The following STK3 variants were observed in gnomAD, a reference collection of about 807,000 sequenced individuals.
STK3 encodes the protein serine/threonine kinase 3, also known as serine/threonine-protein kinase 3.
In STK3, 41 loss-of-function variants were observed where a neutral mutation model predicts 58.0. The ratio of observed to expected loss-of-function variants is 0.71; its 90% confidence interval spans 0.55 to 0.92. STK3 has a LOEUF of 0.92. STK3 is among the 40% of genes least tolerant of loss of function. STK3 has a pLI of 0.00. For missense variants in STK3, 479 were observed against 602.7 expected (o/e 0.79, Z 2.15); for synonymous variants, 170 against 191.0 (o/e 0.89, Z 0.91).
At chr8:98,389,819 A>G (rs1372904243), upstream of STK3, among the ~76,000 whole-genome samples, 1 of 151,368 alleles carries the variant, frequency 6.6e-6, no homozygotes, top group Non-Finnish European at 1.5e-5. Flanking sequence ...TGTGTTAGAG[A>G]CAGGAAGAGG....
chr8:98,417,281 G>A (rs1292234757), intron 3 of STK3, among the ~76,000 whole-genome samples: 3 of 152,162 alleles, frequency 2.0e-5, no homozygotes, highest in Non-Finnish European at 2.9e-5. Context: ...TTGGGAGGCC[G>A]AGGTGGGTGG....
At chr8:98,779,082 C>T (rs1488307036) in intron 1 of STK3, among the ~76,000 whole-genome samples, 1 of 151,960 alleles carries the variant, frequency 6.6e-6, no homozygotes, top group Non-Finnish European at 1.5e-5. Context: ...CAGAATGTTT[C>T]CTTATCCCTA....
chr8:98,719,931 T>C (rs573750718), intron 4 of STK3, among the ~76,000 whole-genome samples: 1 of 152,332 alleles, frequency 6.6e-6, no homozygotes, highest in South Asian at 2.1e-4. Context: ...TCCCTCCCAC[T>C]ACTTCAGAGA....
At chr8:98,664,535 G>C (rs533248850) in intron 6 of STK3, among the ~76,000 whole-genome samples, 3 of 152,290 alleles carry the variant, frequency 2.0e-5, no homozygotes, top group Admixed American at 2.0e-4. Context: ...GTTTTAAGCA[G>C]ATTGTCTTTG....
At chr8:98,745,766 T>G (rs972057263) in intron 4 of STK3, among the ~76,000 whole-genome samples, 5 of 151,686 alleles carry the variant, frequency 3.3e-5, no homozygotes, top group African/African-American at 1.2e-4. Flanking sequence ...AAGGACCATA[T>G]CCTAGATGTA....
chr8:98,869,115 C>G (rs974982477), intron 3 of STK3, among the ~76,000 whole-genome samples: 2 of 150,966 alleles, frequency 1.3e-5, no homozygotes, highest in Non-Finnish European at 2.9e-5. Flanking sequence ...GAAAAGGAGT[C>G]TTTGTTGATA....
intron 10 of STK3, among the ~76,000 whole-genome samples, chr8:98,488,532 T>C (rs1028738230): frequency 1.6e-4 from 25 of 152,216 alleles, no homozygotes; most frequent in Non-Finnish European, 3.4e-4. Flanking sequence ...GCTTCTAATG[T>C]TATAAGCCAA....
At chr8:98,889,835 G>C (rs1369318685) in intron 1 of STK3, 1 of 152,194 alleles carries the variant, frequency 6.6e-6, no homozygotes. Context: ...TTTCTAGCAA[G>C]TTCCACCGGT....
intron 1 of STK3, among the ~76,000 whole-genome samples, chr8:98,897,883 T>C (rs1483569042): frequency 3.3e-5 from 5 of 152,184 alleles, no homozygotes; most frequent in Non-Finnish European, 7.3e-5. Flanking sequence ...ACTGATATGA[T>C]CACCACACCA....
At chr8:98,573,310 T>C (rs1813114616) in intron 8 of STK3, among the ~76,000 whole-genome samples, 1 of 152,170 alleles carries the variant, frequency 6.6e-6, no homozygotes, top group African/African-American at 2.4e-5. Flanking sequence ...TGATTCACAG[T>C]TCCACATGGC....
rs200371466 is a variant in STK3, at chr8:98,526,801, T to C, written c.1258A>G (p.Met420Val). ...TTATCAGGAAAAACGTTTTTGGACA[T>C]AGGGAAGGGTTCATGCATGTTCTGA... is the stretch of plus-strand genomic sequence containing the variant. ...CNQNMHEPFPMSKNVFPDNWK... is the reference protein window; with the variant it reads ...CNQNMHEPFPVSKNVFPDNWK... The change falls in exon 10 of 11, where the codon ATG becomes GTG. Residue 420 changes from methionine to valine, a missense_variant. Physicochemically the swap from Met to Val is conservative, Grantham distance 21. Transcript: ENST00000419617. 2.9e-5 allele frequency: 46 copies of C among 1,590,276 alleles called. No homozygotes were observed. In the African/African-American group the frequency reaches 3.5e-4, roughly 12 times the overall value.
At chr8:98,858,323 T>TATATATATATATATATATATAG (rs1189807446) in intron 3 of STK3, among the ~76,000 whole-genome samples, 1 of 16,260 alleles carries the variant, frequency 6.2e-5, no homozygotes, top group Non-Finnish European at 1.0e-4. Context: ...TATATATATA[T>TATATATATATATATATATATAG]AGAGAGAGAG....
chr8:98,490,092 G>A (rs556062651), intron 10 of STK3, among the ~76,000 whole-genome samples: 22 of 152,142 alleles, frequency 1.4e-4, no homozygotes, highest in African/African-American at 5.3e-4. Context: ...ATAGTTAGTC[G>A]TAGAGTTTAC....
At chr8:98,780,326 T>C (rs1404464609) in intron 1 of STK3, among the ~76,000 whole-genome samples, 1 of 152,142 alleles carries the variant, frequency 6.6e-6, no homozygotes, top group Non-Finnish European at 1.5e-5. Context: ...ATTTGGATTT[T>C]AGCCAATCTG....
At chr8:98,614,979 T>C (rs1397855068) in intron 6 of STK3, among the ~76,000 whole-genome samples, 2 of 152,220 alleles carry the variant, frequency 1.3e-5, no homozygotes, top group Non-Finnish European at 2.9e-5. Flanking sequence ...GAGGCCTGCC[T>C]GCCTCTGTAA....
chr8:98,888,113 G>A (rs1332797273), intron 1 of STK3, among the ~76,000 whole-genome samples: 2 of 152,140 alleles, frequency 1.3e-5, no homozygotes, highest in Non-Finnish European at 2.9e-5. Context: ...GAGGTCAGGA[G>A]ATCGAGAACA....
intron 3 of STK3, among the ~76,000 whole-genome samples, chr8:98,858,323 T>TATATATATATATATAGAG (rs1189807446): frequency 5.5e-4 from 9 of 16,274 alleles, no homozygotes; most frequent in African/African-American, 1.6e-3. Flanking sequence ...TATATATATA[T>TATATATATATATATAGAG]AGAGAGAGAG....
chr8:98,667,726 C>A (rs1406801009), intron 6 of STK3, among the ~76,000 whole-genome samples: 1 of 151,842 alleles, frequency 6.6e-6, no homozygotes, highest in Non-Finnish European at 1.5e-5. Flanking sequence ...AAACGAAGTA[C>A]AAAACAAATG....
At chr8:98,758,987 T>C (rs1414504483) in intron 3 of STK3, among the ~76,000 whole-genome samples, 8 of 152,246 alleles carry the variant, frequency 5.3e-5, no homozygotes, top group Non-Finnish European at 1.0e-4. Flanking sequence ...CTTAAGAGAA[T>C]GCTGTGGCTG....
Sources: gnomAD v4.1 joint callset for allele counts (sites outside exome capture counted in the v4.1 genomes callset) on GRCh38, gnomAD v4.1.1 for gene constraint, MANE v1.5 for transcripts, NCBI Gene and HGNC (gene_info 2026-07-23, HGNC 2026-07-21) for gene names.